Variants in NBDY observed in about 807,000 individuals in gnomAD.
The protein encoded by NBDY is P-body dissociating protein.
intron 2 of NBDY, among the ~76,000 whole-genome samples, chrX:56,815,197 T>C (rs1372944079): frequency 1.8e-5 from 2 of 111,872 alleles, no homozygotes; most frequent in African/African-American, 6.5e-5. Context: ...TAAAAACACT[T>C]AATTTTAAAC....
chrX:56,786,645 TTTCTTC>T (rs750759505), intron 2 of NBDY, among the ~76,000 whole-genome samples: 11 of 103,467 alleles, frequency 1.1e-4, no homozygotes, highest in African/African-American at 3.7e-4. Context: ...GCTTCTTCTT[TTTCTTC>T]TTCTTCTTCT....
In NBDY at chrX:56,807,810, T is replaced by C. The variant is rs1050081536; in HGVS notation, c.*167-9510T>C. On this transcript the variant is annotated intron_variant, in intron 2 of 2. Transcript: ENST00000374922. ...TTTCTAATTGAATACCCTTTATTTC[T>C]TTCTCTTGCCTGATTGCCCTGGCCA... 4.5e-5 allele frequency among the ~76,000 whole-genome samples: 5 copies of C among 112,100 alleles called. No individual in the cohort carries two copies. The Admixed American group carries it at 4.7e-4, about 11-fold the overall frequency.
At chrX:56,751,492 T>G (rs1214119713) in intron 2 of NBDY, among the ~76,000 whole-genome samples, 1 of 112,383 alleles carries the variant, frequency 8.9e-6, no homozygotes, top group Non-Finnish European at 1.9e-5. Context: ...CAGAAGTTAC[T>G]TCATTTGTTT....
intron 2 of NBDY, among the ~76,000 whole-genome samples, chrX:56,758,646 ATTCTGC>A (rs2069623173): frequency 8.9e-6 from 1 of 111,957 alleles, no homozygotes; most frequent in African/African-American, 3.3e-5. Flanking sequence ...CATCTTGGTC[ATTCTGC>A]TGAAGTGCAT....
chrX:56,794,567 C>T (rs1366889415), intron 2 of NBDY, among the ~76,000 whole-genome samples: 1 of 110,119 alleles, frequency 9.1e-6, no homozygotes, highest in African/African-American at 3.3e-5. Flanking sequence ...GGCAGGGGTC[C>T]CAGTGAATTA....
At chrX:56,759,992 C>T (rs895497534) in intron 2 of NBDY, among the ~76,000 whole-genome samples, 2 of 112,626 alleles carry the variant, frequency 1.8e-5, no homozygotes, top group Non-Finnish European at 1.9e-5. Flanking sequence ...GCCCCAGTCT[C>T]GACCATCAGT....
intron 2 of NBDY, among the ~76,000 whole-genome samples, chrX:56,791,733 G>C (rs748648728): frequency 9.0e-6 from 1 of 111,412 alleles, no homozygotes; most frequent in Admixed American, 9.5e-5. Context: ...GGACCTTTCT[G>C]TTCTTGTTCT....
At position 56,811,959 on chromosome X, in the gene NBDY, G is replaced by C. The variant is rs191254762; in HGVS notation, c.*167-5361G>C. 7.2e-5 allele frequency among the ~76,000 whole-genome samples: 8 copies of C among 111,645 alleles called. No homozygotes were observed. The East Asian group carries it at 2.3e-3, about 31-fold the overall frequency. On this transcript the variant is annotated intron_variant, in intron 2 of 2. Coordinates refer to ENST00000374922, the MANE Select transcript of NBDY (RefSeq NM_001348129.2). ...TGGGAAAAGTGCAGTGTCTGTGCTGGAGTGCATGGTATAGTCCCTAATGGC... is the reference window on the plus strand; with the variant it reads ...TGGGAAAAGTGCAGTGTCTGTGCTGCAGTGCATGGTATAGTCCCTAATGGC...
chrX:56,792,312 A>C (rs886360759), intron 2 of NBDY, among the ~76,000 whole-genome samples: 2 of 111,260 alleles, frequency 1.8e-5, no homozygotes, highest in African/African-American at 6.6e-5. Flanking sequence ...GGAAGTGTGT[A>C]ATCCTGAGCC....
intron 2 of NBDY, among the ~76,000 whole-genome samples, chrX:56,788,853 A>G (rs2069745084): frequency 8.9e-6 from 1 of 112,273 alleles, no homozygotes. Context: ...CTCTAGAGTA[A>G]CTGCTTCTCC....
In NBDY at chrX:56,818,702, T is replaced by C. The variant is rs920484891; in HGVS notation, c.*1549T>C. ...TTATAACCTGATTCTAAAGTTCATA[T>C]GAAAATGTAATGGACCCAGAATAGC... On this transcript the variant is annotated 3_prime_UTR_variant, in exon 3 of 3. Transcript: ENST00000374922. 26 of 112,104 alleles carry C rather than the reference T, an allele frequency of 2.3e-4. No homozygotes were observed. Among genetic ancestry groups the C allele is most frequent in the African/African-American group, 8.4e-4 (26 of 30,896 alleles). 9.2% of individuals were successfully genotyped at this position (112,104 alleles called of 1,213,427 possible).
chrX:56,758,549 C>A (rs1466932553), intron 2 of NBDY, among the ~76,000 whole-genome samples: 1 of 111,527 alleles, frequency 9.0e-6, no homozygotes, highest in African/African-American at 3.3e-5. Context: ...CCACAGGTGG[C>A]TCTCCTAGAG....
intron 2 of NBDY, among the ~76,000 whole-genome samples, chrX:56,795,715 C>A (rs1022815911): frequency 1.8e-5 from 2 of 112,159 alleles, no homozygotes; most frequent in African/African-American, 3.2e-5. Flanking sequence ...CCCACATGAC[C>A]ATGGAACAGG....
intron 2 of NBDY, among the ~76,000 whole-genome samples, chrX:56,750,191 C>T (rs146339222): frequency 0.015 from 1,644 of 111,185 alleles, 40 homozygotes; most frequent in African/African-American, 0.051. Flanking sequence ...ATGCATTATG[C>T]TTTGTGGAAG....
At chrX:56,756,537 G>T (rs1354985234) in intron 2 of NBDY, among the ~76,000 whole-genome samples, 4 of 110,855 alleles carry the variant, frequency 3.6e-5, no homozygotes, top group African/African-American at 1.3e-4. Flanking sequence ...TATAAAAAAA[G>T]AGTTAGTGTA....
chrX:56,737,569 G>T, intron 2 of NBDY: 2 of 722,073 alleles, frequency 2.8e-6, no homozygotes, highest in South Asian at 2.5e-5. Context: ...TGGCCTGCTT[G>T]CCAGCCATTT....
chrX:56,784,324 T>A (rs896263293), intron 2 of NBDY, among the ~76,000 whole-genome samples: 1 of 111,210 alleles, frequency 9.0e-6, no homozygotes, highest in African/African-American at 3.3e-5. Flanking sequence ...TTTGGCTGGA[T>A]GTTTGTTGGG....
chrX:56,785,009 C>T (rs992495681), intron 2 of NBDY, among the ~76,000 whole-genome samples: 5 of 111,593 alleles, frequency 4.5e-5, no homozygotes, highest in Non-Finnish European at 5.6e-5. Context: ...ATGTGTAGGC[C>T]GCACTGGGAA....
At chrX:56,751,769 ACT>A (rs1361788348) in intron 2 of NBDY, among the ~76,000 whole-genome samples, 3 of 111,937 alleles carry the variant, frequency 2.7e-5, no homozygotes, top group African/African-American at 9.7e-5. Context: ...CAGAATATGT[ACT>A]CTTTTTAAAA....
Sources: gnomAD v4.1 joint callset for allele counts (sites outside exome capture counted in the v4.1 genomes callset) on GRCh38, gnomAD v4.1.1 for gene constraint, MANE v1.5 for transcripts, NCBI Gene and HGNC (gene_info 2026-07-23, HGNC 2026-07-21) for gene names.